Variants in LAMA4 observed in about 807,000 individuals in gnomAD.
LAMA4 encodes the protein laminin subunit alpha-4.
Under a neutral mutation model 207.1 loss-of-function variants are expected in LAMA4, and 127 were observed. The ratio of observed to expected loss-of-function variants is 0.61; its 90% CI spans 0.53 to 0.71. The LOEUF (loss-of-function observed/expected upper bound fraction) is 0.71, where lower values mean the gene tolerates loss of function less well. Among genes scored for constraint, LAMA4 ranks in the 30% least tolerant of loss-of-function variants. The pLI, the probability that LAMA4 is intolerant of heterozygous loss-of-function variation, is 0.00. For synonymous variants in LAMA4, 761 were observed against 816.0 expected, an observed-to-expected ratio of 0.93 and a Z score of 1.15; for missense variants, 2,093 against 2,246.5, an observed-to-expected ratio of 0.93 and a Z score of 1.38.
intron 25 of LAMA4, 59 bp from the exon 26 acceptor site, chr6:112,134,668 G>T: frequency 7.4e-7 from 1 of 1,342,946 alleles, no homozygotes; most frequent in Non-Finnish European, 1.1e-6. Flanking sequence ...GTTCTTTGAT[G>T]ACTTCTATAT....
rs113109272 is a variant in LAMA4 at position 112,136,230 on chromosome 6, G to T, written c.3307C>A (p.Arg1103Ser). Residue 1103 changes from arginine (R) to serine (S), a missense_variant, in exon 25 of 39, where the codon CGC becomes AGC. Around this residue, in one of 3 missense-constraint regions of LAMA4, gnomAD observed 1,704 missense variants for 1,788.4 expected, o/e 0.95. Transcript: ENST00000230538. ...NGSMFFRLEM[R>S]NGYLHVFYDF... Reference sequence around the variant, plus strand: ...TAGAACACATGTAGGTAACCATTGCGCATTTCCAGTCTGAAAAACATACTC... The same window carrying T: ...TAGAACACATGTAGGTAACCATTGCTCATTTCCAGTCTGAAAAACATACTC... 8.1e-6 allele frequency: 13 copies of T among 1,611,114 alleles called. No homozygotes were observed. In the African/African-American group the frequency reaches 1.3e-4, roughly 17 times the overall value.
At position 112,212,405 on chromosome 6, in the gene LAMA4, G is replaced by T. The variant is rs540814446; in HGVS notation, c.297+3963C>A. 2.6e-5 allele frequency among the ~76,000 whole-genome samples: 4 copies of T among 152,168 alleles called. No individual in the cohort carries two copies. In the East Asian group the frequency reaches 7.7e-4, roughly 29 times the overall value. Reference sequence around the variant, plus strand: ...TACCTGGTTAATTTTTGTATTTTTAGTAGAGATGGGGTTTTGCCCTGTTGG... The same window carrying T: ...TACCTGGTTAATTTTTGTATTTTTATTAGAGATGGGGTTTTGCCCTGTTGG... On this transcript the variant is annotated intron_variant, in intron 3 of 38. Coordinates refer to ENST00000230538, the MANE Select transcript of LAMA4 (RefSeq NM_001105206.3).
intron 24 of LAMA4, among the ~76,000 whole-genome samples, chr6:112,137,301 G>C (rs1044269082): frequency 6.6e-6 from 1 of 152,152 alleles, no homozygotes; most frequent in East Asian, 1.9e-4. Flanking sequence ...ATTCCTGGGA[G>C]TGTGGAAAGC....
rs1554332342 is a variant in LAMA4 at position 112,139,173 on chromosome 6, T to C, written c.3229A>G (p.Ile1077Val). The C allele has an allele frequency of 1.9e-6, 3 of 1,614,156 alleles. No homozygotes were observed. The highest frequency in any genetic ancestry group is 4.5e-5 in the East Asian group (2 of 44,874). ...TTGTCAGCTGGTGTTCGAACTTCTA[T>C]GTCAAAGCGAGTCACCTGACCAAAT... ...GKFGQVTRFDIEVRTPADNGL... is the reference protein window; with the variant it reads ...GKFGQVTRFDVEVRTPADNGL... The change falls in exon 24 of 39, where the codon ATA becomes GTA. Residue 1077 changes from isoleucine (I) to valine (V), a missense_variant. Transcript: ENST00000230538.
intron 32 of LAMA4, 41 bp from the exon 33 acceptor site, chr6:112,120,513 G>C: frequency 6.9e-7 from 1 of 1,458,038 alleles, no homozygotes; most frequent in Non-Finnish European, 9.6e-7. Flanking sequence ...TGTAAAATGA[G>C]ACTGAGGATA....
intron 2 of LAMA4, among the ~76,000 whole-genome samples, chr6:112,244,436 G>C (rs62414020): frequency 0.28 from 41,966 of 152,102 alleles, 6,747 homozygotes; most frequent in Non-Finnish European, 0.37. Context: ...CATCCCTTGT[G>C]TAGCATATGA....
At chr6:112,185,099 G>C (rs1782603996) in intron 9 of LAMA4, 138 bp downstream of exon 9, 1 of 730,540 alleles carries the variant, frequency 1.4e-6, no homozygotes, top group African/African-American at 1.7e-5. Context: ...GTCTGGTCTT[G>C]ATTTATTTTA....
At chr6:112,243,741 T>G (rs782612503) in intron 2 of LAMA4, among the ~76,000 whole-genome samples, 2 of 152,138 alleles carry the variant, frequency 1.3e-5, no homozygotes, top group Non-Finnish European at 2.9e-5. Context: ...CTAGATATGC[T>G]CAGGTAATAA....
At chr6:112,185,978 G>T (rs1486155054) in intron 8 of LAMA4, among the ~76,000 whole-genome samples, 3 of 152,068 alleles carry the variant, frequency 2.0e-5, no homozygotes, top group South Asian at 2.1e-4. Flanking sequence ...TGACTCCCCT[G>T]GGGGGTAGTG....
At chr6:112,129,159 T>C in intron 30 of LAMA4, 84 bp from the exon 31 acceptor site, 1 of 1,264,670 alleles carries the variant, frequency 7.9e-7, no homozygotes, top group Non-Finnish European at 1.1e-6. Context: ...GAAAGAGCTT[T>C]GGCAATTAAA....
At chr6:112,143,876 T>C (rs1413832166) in intron 19 of LAMA4, among the ~76,000 whole-genome samples, 2 of 152,190 alleles carry the variant, frequency 1.3e-5, no homozygotes, top group African/African-American at 4.8e-5. Flanking sequence ...TTTTTGAAAA[T>C]GTTCACTGGG....
intron 13 of LAMA4, 130 bp from the exon 14 acceptor site, chr6:112,159,010 G>T (rs782171375): frequency 1.5e-6 from 1 of 681,952 alleles, no homozygotes; most frequent in Non-Finnish European, 2.6e-6. Flanking sequence ...GACCACATAA[G>T]TCTAAAATAC....
Position 112,249,588 on chromosome 6 carries a change from C to T in LAMA4, c.195+4368G>A, listed in dbSNP as rs117758885. Among the ~76,000 whole-genome samples the T allele has an allele frequency of 1.8e-3, 274 of 152,048 alleles. 1 individual carries two copies. Among genetic ancestry groups the T allele is most frequent in the Non-Finnish European group, 2.8e-3 (193 of 67,998 alleles). On this transcript the variant is annotated intron_variant, in intron 2 of 38. Coordinates refer to ENST00000230538, the MANE Select transcript of LAMA4 (RefSeq NM_001105206.3). ...TATAAACTCCTTCCTAGCTGTGCTG[C>T]TTACAAGCAGGGGCCTGGGCAAATG...
chr6:112,130,385 A>G (rs1778969065), intron 29 of LAMA4, among the ~76,000 whole-genome samples: 1 of 151,586 alleles, frequency 6.6e-6, no homozygotes, highest in South Asian at 2.1e-4. Flanking sequence ...CATTTGTGGA[A>G]GACCATTTTC....
chr6:112,136,930 C>G lies in LAMA4; in HGVS notation c.3283-676G>C, dbSNP rs1206916399. Among the ~76,000 whole-genome samples, 3 of 151,980 alleles carry G rather than the reference C, an allele frequency of 2.0e-5. No homozygotes were observed. In the East Asian group the frequency reaches 5.8e-4, roughly 29 times the overall value. ...TTTAGGAAACTTTTAAAAATTATAA[C>G]AGGCCAACAGATGTGTCTGCATTTA... On this transcript the variant is annotated intron_variant, in intron 24 of 38. Transcript: ENST00000230538.
intron 8 of LAMA4, 44 bp from the exon 9 acceptor site, chr6:112,185,391 G>T: frequency 1.8e-6 from 2 of 1,090,482 alleles, no homozygotes; most frequent in Non-Finnish European, 2.8e-6. Context: ...GGCACACCAG[G>T]TTTTAAAAAA....
intron 11 of LAMA4, among the ~76,000 whole-genome samples, chr6:112,174,440 T>C (rs1781898633): frequency 1.3e-5 from 2 of 152,172 alleles, no homozygotes; most frequent in African/African-American, 4.8e-5. Context: ...TGCCAACCCA[T>C]GAAAGCATGA....
intron 13 of LAMA4, among the ~76,000 whole-genome samples, chr6:112,162,965 C>CTTTTT (rs34824903): frequency 8.8e-5 from 8 of 91,246 alleles, no homozygotes; most frequent in South Asian, 4.4e-4. Flanking sequence ...CAGCTCAAAT[C>CTTTTT]TTTTTTTTTT....
rs2032568 is a variant in LAMA4, at chr6:112,136,269, G to A, written c.3283-15C>T. ...AAAAACATACTCTGAGGAGAGAAAGGAATTGTAAGATAGGAACATCTGTTA... is the reference window on the plus strand; with the variant it reads ...AAAAACATACTCTGAGGAGAGAAAGAAATTGTAAGATAGGAACATCTGTTA... On this transcript the variant is annotated splice_polypyrimidine_tract_variant and intron_variant, in intron 24 of 38. Transcript: ENST00000230538. The A allele has an allele frequency of 0.74, 1,174,003 of 1,594,090 alleles. 436,102 individuals are homozygous for A. The highest frequency in any genetic ancestry group is 0.87 in the African/African-American group (64,580 of 74,606).
Sources: gnomAD v4.1 joint callset for allele counts (sites outside exome capture counted in the v4.1 genomes callset) on GRCh38, gnomAD v4.1.1 for gene constraint, gnomAD v4.1.1 regional missense constraint, MANE v1.5 for transcripts, NCBI Gene and HGNC (gene_info 2026-07-23, HGNC 2026-07-21) for gene names.